Variants in CSMD1 observed in about 807,000 individuals in gnomAD.
The protein encoded by CSMD1 is CUB and Sushi multiple domains 1, also known as CUB and sushi domain-containing protein 1.
Under a neutral mutation model 417.5 loss-of-function variants are expected in CSMD1, and 213 were observed. The observed-to-expected ratio is 0.51, with a 90% CI of 0.46 to 0.57. The LOEUF is 0.57. Among genes scored for constraint, CSMD1 ranks in the 20% least tolerant of loss-of-function variants. CSMD1 has a pLI of 0.00. For synonymous variants in CSMD1, 2,862 were observed against 1,736.8 expected, an observed-to-expected ratio of 1.65 and a Z score of -16.11; for missense variants, 6,923 against 4,529.7, an observed-to-expected ratio of 1.53 and a Z score of -15.17.
At chr8:3,430,773 C>G (rs1814167837) in intron 12 of CSMD1, among the ~76,000 whole-genome samples, 1 of 152,178 alleles carries the variant, frequency 6.6e-6, no homozygotes. Context: ...TGGCCCTGAA[C>G]TGCAGCCTGG....
chr8:3,583,085 C>G (rs1390693161), intron 9 of CSMD1, among the ~76,000 whole-genome samples: 1 of 152,150 alleles, frequency 6.6e-6, no homozygotes, highest in African/African-American at 2.4e-5. Context: ...CAGCTTTGAC[C>G]TCTTCCTGGG....
At position 4,857,496 on chromosome 8, in the gene CSMD1, T is replaced by C. The variant is rs554528629; in HGVS notation, c.85+136836A>G. Among the ~76,000 whole-genome samples, 8 of 151,704 alleles carry C rather than the reference T, an allele frequency of 5.3e-5. No homozygotes were observed. In the East Asian group the frequency reaches 1.6e-3, roughly 30 times the overall value. ...TCCAGGAGCTCGTTTTTTGAAAGGA[T>C]CAACAAAATTGATAGACCGCTAGCA... On this transcript the variant is annotated intron_variant, in intron 1 of 69. Coordinates refer to ENST00000635120, the MANE Select transcript of CSMD1 (RefSeq NM_033225.6).
chr8:4,848,925 A>G (rs1269806057), intron 1 of CSMD1, among the ~76,000 whole-genome samples: 1 of 152,216 alleles, frequency 6.6e-6, no homozygotes, highest in East Asian at 1.9e-4. Context: ...TTGTTGCTTT[A>G]GAAGGTACTT....
intron 2 of CSMD1, among the ~76,000 whole-genome samples, chr8:4,421,061 A>G (rs1030920323): frequency 6.6e-6 from 1 of 152,060 alleles, no homozygotes; most frequent in Non-Finnish European, 1.5e-5. Context: ...TCATTTGTTC[A>G]TTTTTTCCCA....
intron 2 of CSMD1, among the ~76,000 whole-genome samples, chr8:4,464,520 A>AT (rs1487846111): frequency 6.6e-6 from 1 of 152,190 alleles, no homozygotes; most frequent in African/African-American, 2.4e-5. Context: ...ATCTCGTGTC[A>AT]TTTATTCAAT....
At chr8:4,831,916 C>T (rs764641589) in intron 1 of CSMD1, among the ~76,000 whole-genome samples, 16 of 152,054 alleles carry the variant, frequency 1.1e-4, no homozygotes, top group Non-Finnish European at 2.2e-4. Context: ...AGACACACTC[C>T]CCTGAAAGCT....
chr8:3,765,735 C>T (rs1404765224), intron 5 of CSMD1, among the ~76,000 whole-genome samples: 3 of 152,114 alleles, frequency 2.0e-5, no homozygotes, highest in Admixed American at 2.0e-4. Context: ...GGTGGGGGCG[C>T]CCAGGGGGTG....
At chr8:4,250,277 T>A (rs551441358) in intron 3 of CSMD1, among the ~76,000 whole-genome samples, 1 of 152,176 alleles carries the variant, frequency 6.6e-6, no homozygotes, top group African/African-American at 2.4e-5. Context: ...TCTAGTGATA[T>A]AAATAGCCCA....
At chr8:3,417,258 G>C (rs1813216293) in intron 12 of CSMD1, among the ~76,000 whole-genome samples, 1 of 152,170 alleles carries the variant, frequency 6.6e-6, no homozygotes, top group Admixed American at 6.5e-5. Flanking sequence ...CATACGGTTT[G>C]CTACTGGATT....
chr8:3,776,681 C>T (rs1295417395), intron 5 of CSMD1, among the ~76,000 whole-genome samples: 7 of 152,036 alleles, frequency 4.6e-5, no homozygotes, highest in African/African-American at 1.7e-4. Flanking sequence ...CTTGCCATTA[C>T]CTGATTTCAT....
chr8:4,855,632 G>A (rs1313823872), intron 1 of CSMD1, among the ~76,000 whole-genome samples: 1 of 152,214 alleles, frequency 6.6e-6, no homozygotes, highest in African/African-American at 2.4e-5. Flanking sequence ...AGCCTCTGGA[G>A]CCAATGCAAT....
intron 3 of CSMD1, among the ~76,000 whole-genome samples, chr8:4,202,694 G>C (rs1254969184): frequency 1.3e-5 from 2 of 152,136 alleles, no homozygotes; most frequent in East Asian, 1.9e-4. Context: ...GAAAGAGGGA[G>C]AACCACACTA....
At chr8:4,244,254 A>T (rs1323392253) in intron 3 of CSMD1, among the ~76,000 whole-genome samples, 1 of 152,208 alleles carries the variant, frequency 6.6e-6, no homozygotes, top group Non-Finnish European at 1.5e-5. Flanking sequence ...TCCACAGAGC[A>T]CAGGGGCACT....
At position 3,997,904 on chromosome 8, in the gene CSMD1, A is replaced by T; in HGVS notation, c.817T>A (p.Trp273Arg). The T allele has an allele frequency of 1.2e-6, 2 of 1,611,420 alleles. No individual in the cohort carries two copies. Among genetic ancestry groups the T allele is most frequent in the Non-Finnish European group, 1.7e-6 (2 of 1,178,738 alleles). Residue 273 changes from tryptophan to arginine, a missense_variant and splice_region_variant, in exon 5 of 70, where the codon TGG becomes AGG. Trp to Arg is a moderately radical substitution (Grantham distance 101). Coordinates refer to ENST00000635120, the MANE Select transcript of CSMD1 (RefSeq NM_033225.6). ...GTGGCATCTCTTCCCGGGACTTACC[A>T]TATGGATGGAGCTTCCGTGCCACTG... ...EISGTEAPSIWLTGMNLPSPV... is the reference protein window; with the variant it reads ...EISGTEAPSIRLTGMNLPSPV...
At chr8:3,490,529 G>C (rs1052110822) in intron 11 of CSMD1, among the ~76,000 whole-genome samples, 1 of 152,002 alleles carries the variant, frequency 6.6e-6, no homozygotes, top group Non-Finnish European at 1.5e-5. Flanking sequence ...ATAATAATAC[G>C]TGTGGGTTAC....
chr8:4,223,339 G>A (rs1038788634), intron 3 of CSMD1, among the ~76,000 whole-genome samples: 6 of 152,224 alleles, frequency 3.9e-5, no homozygotes, highest in Admixed American at 1.3e-4. Context: ...TGTTGTCTCA[G>A]AACAATTTAA....
At chr8:3,094,800 CAAAAAAAAAA>C (rs33991879) in intron 47 of CSMD1, among the ~76,000 whole-genome samples, 1 of 105,378 alleles carries the variant, frequency 9.5e-6, no homozygotes, top group Admixed American at 1.0e-4. Flanking sequence ...GCCCGTCTTA[CAAAAAAAAAA>C]AAAAAAAAAA....
At chr8:4,010,597 T>A (rs1229378928) in intron 4 of CSMD1, among the ~76,000 whole-genome samples, 1 of 152,032 alleles carries the variant, frequency 6.6e-6, no homozygotes, top group Non-Finnish European at 1.5e-5. Context: ...GACTACATTC[T>A]GAGCCCAACT....
intron 4 of CSMD1, among the ~76,000 whole-genome samples, chr8:4,020,055 G>T (rs80115781): frequency 1.3e-5 from 2 of 152,148 alleles, no homozygotes; most frequent in African/African-American, 2.4e-5. Flanking sequence ...AAGAGTGGAA[G>T]GGAGAGGAGA....
Sources: allele counts gnomAD v4.1 joint callset (sites outside exome capture counted in the v4.1 genomes callset), GRCh38; gene constraint gnomAD v4.1.1; transcripts MANE v1.5; gene names NCBI Gene and HGNC (gene_info 2026-07-23, HGNC 2026-07-21).